The following SLC26A5 variants were observed in gnomAD, a reference collection of about 807,000 sequenced individuals.
The protein encoded by SLC26A5 is solute carrier family 26 member 5, also known as prestin.
A neutral mutation model predicts 81.0 loss-of-function variants in SLC26A5; 51 were observed. That is an observed-to-expected ratio of 0.63 (90% CI 0.50 to 0.80). The LOEUF (loss-of-function observed/expected upper bound fraction) is 0.80, where lower values mean the gene tolerates loss of function less well. SLC26A5 is among the 30% of genes least tolerant of loss of function. The probability of loss-of-function intolerance (pLI) is 0.00; values close to 1 mark genes in which losing one functional copy is unlikely to be tolerated. For missense variants in SLC26A5, 771 were observed against 905.8 expected (o/e 0.85, Z 1.91); for synonymous variants, 325 against 332.8 (o/e 0.98, Z 0.25).
At chr7:103,385,326 C>T (rs920272772) in intron 14 of SLC26A5, among the ~76,000 whole-genome samples, 1 of 152,102 alleles carries the variant, frequency 6.6e-6, no homozygotes, top group East Asian at 1.9e-4. Flanking sequence ...CCACGCCTGG[C>T]TAATTTTTTG....
At position 103,378,496 on chromosome 7, in the gene SLC26A5, C is replaced by T. The variant is rs199745195; in HGVS notation, c.1735G>A (p.Ala579Thr). ...ATATTTGCATTTCCGACTTCCTTAGCGTACTTCCGCATGGCCTTTCTCCTT... is the reference window on the plus strand; with the variant it reads ...ATATTTGCATTTCCGACTTCCTTAGTGTACTTCCGCATGGCCTTTCTCCTT... ...GARRKAMRKY[A>T]KEVGNANMAN... is the part of the protein sequence containing the mutation. Residue 579 changes from alanine to threonine, a missense_variant, in exon 17 of 20, where the codon GCT becomes ACT. Coordinates refer to ENST00000306312, the MANE Select transcript of SLC26A5 (RefSeq NM_198999.3). 173 of 1,614,156 alleles carry T rather than the reference C, an allele frequency of 1.1e-4. 1 individual carries two copies. The highest frequency in any genetic ancestry group is 1.4e-4 in the Non-Finnish European group (166 of 1,180,004).
Position 103,362,469 on chromosome 7 carries a change from T to A in SLC26A5, c.2042-9543A>T, listed in dbSNP as rs1190353722. 3.6e-6 allele frequency: 5 copies of A among 1,389,310 alleles called. No individual in the cohort carries two copies. The East Asian group carries it at 1.4e-4, about 39-fold the overall frequency. The allele number at this position is 1,389,310 out of a possible 1,614,324, so 86.1% of individuals were successfully genotyped here. On this transcript the variant is annotated intron_variant, in intron 19 of 19. Transcript: ENST00000339444. ...TTAAAAAAAAATCTCCCCTCCCTCC[T>A]CAAAGGTTTGATTGCTGTTGGATAG...
At chr7:103,426,086 T>C (rs1195925739) in intron 2 of SLC26A5, among the ~76,000 whole-genome samples, 3 of 152,360 alleles carry the variant, frequency 2.0e-5, no homozygotes, top group Admixed American at 2.0e-4. Context: ...CTTATGTGTG[T>C]CTGCAAAATA....
chr7:103,420,408 A>G (rs1825252160), intron 4 of SLC26A5, among the ~76,000 whole-genome samples: 1 of 145,820 alleles, frequency 6.9e-6, no homozygotes, highest in Non-Finnish European at 1.5e-5. Context: ...TGATCCTCCT[A>G]TGTCAGCCTC....
intron 19 of SLC26A5, among the ~76,000 whole-genome samples, chr7:103,354,365 A>ATTTTTT (rs752847513): frequency 1.5e-5 from 2 of 134,538 alleles, no homozygotes; most frequent in East Asian, 4.3e-4. Context: ...TTCACACACG[A>ATTTTTT]TTTTTTTTTT....
Position 103,396,914 on chromosome 7 carries a change from G to A in SLC26A5, c.971+1018C>T, listed in dbSNP as rs536297169. Among the ~76,000 whole-genome samples, 76 of 151,796 alleles carry A rather than the reference G, an allele frequency of 5.0e-4. 3 individuals carry two copies. Among genetic ancestry groups the A allele is most frequent in the Admixed American group, 3.4e-3 (51 of 15,218 alleles). ...GTTCGAGACCAGCCTGGCCAACATA[G>A]TGAAACCCTGTCTCTACTAAAAATA... is the stretch of plus-strand genomic sequence containing the variant. On this transcript the variant is annotated intron_variant, in intron 9 of 19. Coordinates refer to ENST00000306312, the MANE Select transcript of SLC26A5 (RefSeq NM_198999.3).
chr7:103,373,027 G>A (rs78609552), downstream of SLC26A5, among the ~76,000 whole-genome samples: 651 of 152,272 alleles, frequency 4.3e-3, 4 homozygotes, highest in African/African-American at 0.015. Flanking sequence ...AAGTGGAGAA[G>A]GGAAAGCTTA....
intron 2 of SLC26A5, among the ~76,000 whole-genome samples, chr7:103,433,100 AG>A (rs1292011704): frequency 6.6e-6 from 1 of 152,160 alleles, no homozygotes. Context: ...TGGACTAGAC[AG>A]GTCTTTAGAG....
intron 5 of SLC26A5, among the ~76,000 whole-genome samples, chr7:103,412,450 A>G (rs1314670559): frequency 6.6e-6 from 1 of 152,182 alleles, no homozygotes; most frequent in Non-Finnish European, 1.5e-5. Context: ...CACAGATTTC[A>G]ACAATTGCCC....
At chr7:103,443,481 T>C (rs1827031518) in intron 1 of SLC26A5, among the ~76,000 whole-genome samples, 1 of 152,208 alleles carries the variant, frequency 6.6e-6, no homozygotes, top group Non-Finnish European at 1.5e-5. Flanking sequence ...TAGCAATTCA[T>C]GAATACAAGT....
At position 103,434,332 on chromosome 7, in the gene SLC26A5, T is replaced by C. The variant is rs866428982; in HGVS notation, c.-54+8751A>G. On this transcript the variant is annotated intron_variant, in intron 2 of 19. Coordinates refer to ENST00000306312, the MANE Select transcript of SLC26A5 (RefSeq NM_198999.3). ...AGTTTCCTCATGAGAAGCCTTATGT[T>C]AATCTTAAACGACTTTATTTTTCCT... Among the ~76,000 whole-genome samples the C allele has an allele frequency of 9.8e-5, 15 of 152,338 alleles. No homozygotes were observed. In the South Asian group the frequency reaches 1.5e-3, roughly 15 times the overall value.
At chr7:103,419,593 A>T (rs1825177949) in intron 4 of SLC26A5, among the ~76,000 whole-genome samples, 1 of 151,168 alleles carries the variant, frequency 6.6e-6, no homozygotes, top group East Asian at 1.9e-4. Context: ...GCTGGAGTCC[A>T]GTGGCACGAT....
In SLC26A5 at chr7:103,420,831, T is replaced by A; in HGVS notation, c.199A>T (p.Ile67Leu). 1 of 1,613,618 alleles carries A rather than the reference T, an allele frequency of 6.2e-7. No homozygotes were observed. Among genetic ancestry groups the A allele is most frequent in the East Asian group, 2.2e-5 (1 of 44,868 alleles). Residue 67 changes from isoleucine to leucine, a missense_variant, in exon 4 of 20, where the codon ATA (isoleucine) becomes TTA (leucine). Ile to Leu is a conservative substitution (Grantham distance 5, BLOSUM62 2). Transcript: ENST00000306312. ...IRNIIYMFLPITKWLPAYKFK... is the reference protein window; with the variant it reads ...IRNIIYMFLPLTKWLPAYKFK... ...TTGTATGCTGGCAGCCATTTAGTTA[T>A]GGGTAGGAACATATAAATGATATTT...
chr7:103,437,316 C>T (rs1245101199), intron 2 of SLC26A5, among the ~76,000 whole-genome samples: 1 of 152,192 alleles, frequency 6.6e-6, no homozygotes, highest in Non-Finnish European at 1.5e-5. Flanking sequence ...AAACAGAACT[C>T]TTACACATTG....
downstream of SLC26A5, among the ~76,000 whole-genome samples, chr7:103,371,866 T>C (rs1264874116): frequency 6.6e-6 from 1 of 151,904 alleles, no homozygotes; most frequent in African/African-American, 2.4e-5. Context: ...CAGCTCACTT[T>C]TGTATTTTTA....
downstream of SLC26A5, among the ~76,000 whole-genome samples, chr7:103,370,437 C>G (rs1268077892): frequency 1.3e-5 from 2 of 149,696 alleles, no homozygotes; most frequent in Non-Finnish European, 3.0e-5. Flanking sequence ...AGGACAGATT[C>G]ACTAGGTTTG....
At chr7:103,436,740 C>T (rs932821291) in intron 2 of SLC26A5, among the ~76,000 whole-genome samples, 10 of 152,192 alleles carry the variant, frequency 6.6e-5, no homozygotes, top group African/African-American at 2.4e-4. Flanking sequence ...TGGCTATCCA[C>T]ATGCAGAAGA....
At chr7:103,362,370 A>G in intron 19 of SLC26A5, 1 of 1,339,518 alleles carries the variant, frequency 7.5e-7, no homozygotes, top group East Asian at 3.2e-5. Context: ...AGGTTGGGGG[A>G]GTACTTGCTT....
intron 7 of SLC26A5, among the ~76,000 whole-genome samples, 180 bp downstream of exon 7, chr7:103,410,204 AG>A (rs1202104501): frequency 6.6e-6 from 1 of 152,188 alleles, no homozygotes; most frequent in Non-Finnish European, 1.5e-5. Flanking sequence ...AGAGATTTTA[AG>A]GTTTAGTTCT....
Sources: gnomAD v4.1 joint callset for allele counts (sites outside exome capture counted in the v4.1 genomes callset) on GRCh38, gnomAD v4.1.1 for gene constraint, MANE v1.5 for transcripts, NCBI Gene and HGNC (gene_info 2026-07-23, HGNC 2026-07-21) for gene names.